The following C9 variants were observed in gnomAD, a reference collection of about 807,000 sequenced individuals.
C9 encodes the protein complement component C9.
Under a neutral mutation model 65.4 loss-of-function variants are expected in C9, and 63 were observed. That is an observed-to-expected ratio of 0.96 (90% CI 0.79 to 1.19). C9 has a LOEUF of 1.19. C9 is among the 50% of genes most tolerant of loss of function. C9 has a pLI of 0.00. For synonymous variants in C9, 229 were observed against 227.9 expected, an observed-to-expected ratio of 1.00 and a Z score of -0.04; for missense variants, 744 against 670.1, an observed-to-expected ratio of 1.11 and a Z score of -1.22.
At chr5:39,319,600 TGGTCACTACAGACTCA>T (rs1286790444) in intron 5 of C9, among the ~76,000 whole-genome samples, 1 of 152,184 alleles carries the variant, frequency 6.6e-6, no homozygotes, top group Non-Finnish European at 1.5e-5. Flanking sequence ...TCTCAAAGGC[TGGTCACTACAGACTCA>T]GGCTCCAGTT....
intron 8 of C9, among the ~76,000 whole-genome samples, chr5:39,307,065 C>A (rs1432300770): frequency 1.3e-5 from 2 of 152,080 alleles, no homozygotes; most frequent in Non-Finnish European, 2.9e-5. Context: ...ATTCACAGCT[C>A]CTCACATACA....
At chr5:39,320,457 C>T (rs1488470585) in intron 5 of C9, among the ~76,000 whole-genome samples, 1 of 151,982 alleles carries the variant, frequency 6.6e-6, no homozygotes, top group Non-Finnish European at 1.5e-5. Flanking sequence ...AGCTCAAAGA[C>T]AGTTCATTTG....
In C9 at chr5:39,285,138, G is replaced by T; in HGVS notation, c.*61C>A. The T allele has an allele frequency of 7.6e-7, 1 of 1,313,066 alleles. No homozygotes were observed. Among genetic ancestry groups the T allele is most frequent in the Non-Finnish European group, 1.1e-6 (1 of 905,472 alleles). 81.3% of individuals were successfully genotyped at this position (1,313,066 alleles called of 1,614,324 possible). A position where few individuals can be genotyped will look rare whatever the true frequency, so the allele number is the denominator to read the frequency against. ...CTTGGCAGCTAAGATTATCTTCAGG[G>T]GTAGGATCTGAAGGTACTAGTGTTT... is the stretch of plus-strand genomic sequence containing the variant. On this transcript the variant is annotated 3_prime_UTR_variant, in exon 11 of 11. Transcript: ENST00000263408.
intron 1 of C9, among the ~76,000 whole-genome samples, chr5:39,343,291 T>G (rs1754125151): frequency 6.6e-6 from 1 of 151,898 alleles, no homozygotes; most frequent in South Asian, 2.1e-4. Context: ...AGGGAAGGGG[T>G]GACAGACAGC....
Position 39,285,029 on chromosome 5 carries a change from GA to G in C9, c.*169del, listed in dbSNP as rs1396499684. 1.6e-6 allele frequency: 1 copy of G among 610,042 alleles called. No homozygotes were observed. The highest frequency in any genetic ancestry group is 2.9e-6 in the Non-Finnish European group (1 of 340,210). 37.8% of individuals were successfully genotyped at this position (610,042 alleles called of 1,614,324 possible). A position where few individuals can be genotyped will look rare whatever the true frequency, so the allele number is the denominator to read the frequency against. On this transcript the variant is annotated 3_prime_UTR_variant, in exon 11 of 11. Transcript: ENST00000263408. ...GGAAACATCACAGGAGTTTAAGGAA[GA>G]AAAATTTAAAAAAAAATTATAGACC...
Position 39,306,760 on chromosome 5 carries a change from C to T in C9, c.1273G>A (p.Val425Ile), listed in dbSNP as rs201814882. Residue 425 changes from valine (V) to isoleucine (I), a missense_variant, in exon 9 of 11, where the codon GTT becomes ATT. By Grantham distance (29) the Val-to-Ile change is conservative. Transcript: ENST00000263408. ...NITSENLIDD[V>I]VSLIRGGTRK... ...GTTCCACCTCTTATGAGTGAAACAA[C>T]ATCATCTATGAGGTTTTCACTGGTG... is the stretch of plus-strand genomic sequence containing the variant. 4 of 1,612,418 alleles carry T rather than the reference C, an allele frequency of 2.5e-6. No homozygotes were observed. The highest frequency in any genetic ancestry group is 2.5e-6 in the Non-Finnish European group (3 of 1,178,744).
chr5:39,359,102 G>GTGTATATATATATA (rs1407613505), intron 1 of C9, among the ~76,000 whole-genome samples: 9 of 103,664 alleles, frequency 8.7e-5, no homozygotes, highest in African/African-American at 2.6e-4. Flanking sequence ...GTGTGTGTGT[G>GTGTATATATATATA]TATATATATA....
chr5:39,333,572 C>CTCTCCG (rs1456460187), intron 4 of C9, among the ~76,000 whole-genome samples: 2 of 143,440 alleles, frequency 1.4e-5, no homozygotes, highest in African/African-American at 5.0e-5. Flanking sequence ...CTCCCTCTCC[C>CTCTCCG]TCTCCCTCTC....
chr5:39,286,809 TTTAAA>T (rs1752999182), intron 10 of C9, among the ~76,000 whole-genome samples: 2 of 151,930 alleles, frequency 1.3e-5, no homozygotes, highest in East Asian at 1.9e-4. Context: ...CATTCTAAAA[TTTAAA>T]TTAAATTCTA....
At chr5:39,347,848 C>T (rs1268007114) in intron 1 of C9, among the ~76,000 whole-genome samples, 1 of 151,940 alleles carries the variant, frequency 6.6e-6, no homozygotes, top group African/African-American at 2.4e-5. Flanking sequence ...CAGAATGGAG[C>T]CCTCAGAAAT....
chr5:39,299,086 C>T (rs1466244613), intron 9 of C9, among the ~76,000 whole-genome samples: 4 of 151,818 alleles, frequency 2.6e-5, no homozygotes, highest in African/African-American at 9.7e-5. Flanking sequence ...TAACATCATA[C>T]TTAATGGTGC....
At position 39,285,155 on chromosome 5, in the gene C9, C is replaced by T. The variant is rs761604774; in HGVS notation, c.*44G>A. 1 of 1,529,290 alleles carries T rather than the reference C, an allele frequency of 6.5e-7. No homozygotes were observed. Among genetic ancestry groups the T allele is most frequent in the Admixed American group, 1.7e-5 (1 of 59,814 alleles). The allele number at this position is 1,529,290 out of a possible 1,614,324, so 94.7% of individuals were successfully genotyped here. On this transcript the variant is annotated 3_prime_UTR_variant, in exon 11 of 11. Transcript: ENST00000263408. ...TCTTCAGGGGTAGGATCTGAAGGTACTAGTGTTTTCTTCTTCCACTGGAGC... is the reference window on the plus strand; with the variant it reads ...TCTTCAGGGGTAGGATCTGAAGGTATTAGTGTTTTCTTCTTCCACTGGAGC...
intron 1 of C9, among the ~76,000 whole-genome samples, chr5:39,364,005 G>A (rs1160469599): frequency 6.6e-6 from 1 of 152,148 alleles, no homozygotes; most frequent in Non-Finnish European, 1.5e-5. Flanking sequence ...TGTTAAAGGT[G>A]TCAGGCATTG....
intron 6 of C9, among the ~76,000 whole-genome samples, chr5:39,314,971 T>C (rs1241863301): frequency 2.0e-5 from 3 of 152,230 alleles, no homozygotes; most frequent in African/African-American, 7.2e-5. Flanking sequence ...AAATATATTC[T>C]AAGTACCTAG....
At chr5:39,326,980 C>A (rs1249623079) in intron 5 of C9, among the ~76,000 whole-genome samples, 1 of 151,258 alleles carries the variant, frequency 6.6e-6, no homozygotes, top group Non-Finnish European at 1.5e-5. Context: ...GCATAGTATA[C>A]AATATAGTTT....
intron 5 of C9, among the ~76,000 whole-genome samples, chr5:39,329,162 C>A (rs1375510185): frequency 2.0e-5 from 3 of 152,136 alleles, no homozygotes; most frequent in Non-Finnish European, 4.4e-5. Context: ...TAAACGCAAT[C>A]ATCACTCCCC....
chr5:39,324,121 G>T (rs1164693655), intron 5 of C9, among the ~76,000 whole-genome samples: 1 of 152,130 alleles, frequency 6.6e-6, no homozygotes, highest in Non-Finnish European at 1.5e-5. Flanking sequence ...AGGTGAAAGA[G>T]CTGTATGATG....
rs367587173 is a variant in C9 at position 39,285,304 on chromosome 5, G to T, written c.1646-71C>A. ...TTACTTTGGGTCCATCCACCCATCC[G>T]CTTTTTCACCTTCTTATCCTCTTGC... On this transcript the variant is annotated intron_variant, in intron 10 of 10. Transcript: ENST00000263408. The T allele has an allele frequency of 6.7e-6, 8 of 1,188,576 alleles. No homozygotes were observed. The East Asian group carries it at 1.2e-4, about 17-fold the overall frequency. The allele number at this position is 1,188,576 out of a possible 1,614,324, so 73.6% of individuals were successfully genotyped here.
intron 1 of C9, among the ~76,000 whole-genome samples, chr5:39,353,310 A>G (rs897190559): frequency 1.3e-5 from 2 of 152,244 alleles, no homozygotes; most frequent in Non-Finnish European, 1.5e-5. Flanking sequence ...GTTTTAAGCC[A>G]CTAAGTTTGT....
Sources: gnomAD v4.1 joint callset for allele counts (sites outside exome capture counted in the v4.1 genomes callset) on GRCh38, gnomAD v4.1.1 for gene constraint, MANE v1.5 for transcripts, NCBI Gene and HGNC (gene_info 2026-07-23, HGNC 2026-07-21) for gene names.